The following URB1 variants were observed in gnomAD, a reference collection of about 807,000 sequenced individuals.
URB1 encodes nucleolar pre-ribosomal-associated protein 1.
Under a neutral mutation model 242.3 loss-of-function variants are expected in URB1, and 197 were observed. The ratio of observed to expected loss-of-function variants is 0.81; its 90% CI spans 0.72 to 0.91. The LOEUF is 0.91. URB1 is among the 40% of genes least tolerant of loss of function. URB1 has a pLI of 0.00. For synonymous variants in URB1, 1,153 were observed against 1,201.8 expected (o/e 0.96, Z 0.84); for missense variants, 2,721 against 2,860.5 (o/e 0.95, Z 1.11).
At chr21:32,378,582 ACATACAGC>A in intron 4 of URB1, 41 bp from the exon 5 acceptor site, 2 of 1,494,158 alleles carry the variant, frequency 1.3e-6, no homozygotes, top group Non-Finnish European at 1.8e-6. Flanking sequence ...TGCATATTCC[ACATACAGC>A]CAAAGGAATC....
chr21:32,341,559 C>T, intron 24 of URB1, 35 bp from the exon 25 acceptor site: 2 of 1,542,944 alleles, frequency 1.3e-6, no homozygotes, highest in Non-Finnish European at 8.8e-7. Context: ...ACACATGAAA[C>T]ATCTCAGTCT....
intron 8 of URB1, 41 bp downstream of exon 8, chr21:32,372,466 A>C (rs2033416193): frequency 6.5e-7 from 1 of 1,542,190 alleles, no homozygotes; most frequent in Non-Finnish European, 8.7e-7. Flanking sequence ...ACTTCTGAGG[A>C]ACATACACAC....
rs74913568 is a variant in URB1 at position 32,311,761 on chromosome 21, C to T, written c.*3157G>A. 96 of 1,614,118 alleles carry T rather than the reference C, an allele frequency of 5.9e-5. No homozygotes were observed. The East Asian group carries it at 8.0e-4, about 13-fold the overall frequency. ...CACCTCTGCATCCAGAAGTGCCTGCCGTGCCACAGGGAACCCCTGGCAACC... is the reference window on the plus strand; with the variant it reads ...CACCTCTGCATCCAGAAGTGCCTGCTGTGCCACAGGGAACCCCTGGCAACC... On this transcript the variant is annotated 3_prime_UTR_variant, in exon 39 of 39. Coordinates refer to ENST00000382751, the MANE Select transcript of URB1 (RefSeq NM_014825.3).
At position 32,324,547 on chromosome 21, in the gene URB1, A is replaced by C; in HGVS notation, c.5177T>G (p.Leu1726Arg). Residue 1726 changes from leucine to arginine, a missense_variant, in exon 32 of 39, where the codon CTT becomes CGT. By Grantham distance (102) the Leu-to-Arg change is moderately radical. Coordinates refer to ENST00000382751, the MANE Select transcript of URB1 (RefSeq NM_014825.3). ...AATGAAGAGAGCCAAGGTAAAAGTAAGTCTCATGTCCTGAGTTCGAATCCC... is the reference window on the plus strand; with the variant it reads ...AATGAAGAGAGCCAAGGTAAAAGTACGTCTCATGTCCTGAGTTCGAATCCC... ...RNGIRTQDMRLTFTLALFIAK... is the reference protein window; with the variant it reads ...RNGIRTQDMRRTFTLALFIAK... 1 of 1,551,902 alleles carries C rather than the reference A, an allele frequency of 6.4e-7. No individual in the cohort carries two copies. The highest frequency in any genetic ancestry group is 2.4e-5 in the East Asian group (1 of 40,924).
intron 38 of URB1, 33 bp from the exon 39 acceptor site, chr21:32,315,132 G>C: frequency 1.4e-6 from 2 of 1,478,646 alleles, no homozygotes; most frequent in South Asian, 1.4e-5. Context: ...CCATTAGGAT[G>C]CACACCTGCT....
intron 30 of URB1, among the ~76,000 whole-genome samples, chr21:32,332,599 A>C (rs944250559): frequency 2.3e-5 from 3 of 131,492 alleles, no homozygotes; most frequent in Non-Finnish European, 3.3e-5. Flanking sequence ...CAAACTCAAT[A>C]GTTAAAAAAA....
intron 7 of URB1, among the ~76,000 whole-genome samples, chr21:32,373,101 T>G (rs988628515): frequency 4.4e-4 from 67 of 152,310 alleles, no homozygotes; most frequent in African/African-American, 1.6e-3. Flanking sequence ...AGTAACACCC[T>G]GAAGAAAATT....
chr21:32,336,692 CA>C (rs201813562), intron 28 of URB1, among the ~76,000 whole-genome samples: 24 of 150,644 alleles, frequency 1.6e-4, no homozygotes, highest in African/African-American at 4.9e-4. Context: ...CACATACAGA[CA>C]AAAAAAAAGA....
At chr21:32,325,190 GC>G in intron 31 of URB1, 38 bp downstream of exon 31, 1 of 1,521,514 alleles carries the variant, frequency 6.6e-7, no homozygotes, top group Non-Finnish European at 8.9e-7. Context: ...AGTCCGCCAG[GC>G]CCACCCCCAC....
At chr21:32,376,893 C>G (rs183971910) in intron 5 of URB1, among the ~76,000 whole-genome samples, 49 of 152,156 alleles carry the variant, frequency 3.2e-4, no homozygotes, top group Non-Finnish European at 7.4e-5. Flanking sequence ...AACTCCCGGG[C>G]TCAAGCAATC....
rs1438448041 is a variant in URB1, at chr21:32,345,433, A to C, written c.4011T>G (p.Asp1337Glu). The part of the protein sequence containing the change: ...AQLVPFARAK[D>E]LSVLMDRLPS... ...GCAGGCGGTCCATGAGTACACTGAG[A>C]TCCTTGGCTCGTGCAAACGGGACCA... Residue 1337 changes from aspartate to glutamate, a missense_variant, in exon 23 of 39, where the codon GAT (aspartate) becomes GAG (glutamate). By Grantham distance (45) the Asp-to-Glu change is conservative (BLOSUM62 2). Coordinates refer to ENST00000382751, the MANE Select transcript of URB1 (RefSeq NM_014825.3). 3.9e-6 allele frequency: 6 copies of C among 1,551,254 alleles called. No homozygotes were observed. Among genetic ancestry groups the C allele is most frequent in the Middle Eastern group, 1.7e-4 (1 of 6,014 alleles).
At chr21:32,315,987 C>T (rs1256101147) in intron 38 of URB1, among the ~76,000 whole-genome samples, 1 of 152,264 alleles carries the variant, frequency 6.6e-6, no homozygotes, top group African/African-American at 2.4e-5. Flanking sequence ...CTGCTAGGCT[C>T]CTAGTGACTG....
At chr21:32,371,838 G>A (rs929875568) in intron 8 of URB1, among the ~76,000 whole-genome samples, 1 of 151,440 alleles carries the variant, frequency 6.6e-6, no homozygotes. Flanking sequence ...AAATCACATA[G>A]ACCTGTATTA....
At position 32,314,985 on chromosome 21, in the gene URB1, G is replaced by A. The variant is rs917876467; in HGVS notation, c.6749C>T (p.Pro2250Leu). The change falls in exon 39 of 39, where the codon CCG becomes CTG. Residue 2250 changes from proline to leucine, a missense_variant. Coordinates refer to ENST00000382751, the MANE Select transcript of URB1 (RefSeq NM_014825.3). ...RMVCEAADDA[P>L]SSEEEAIVVL... The stretch of plus-strand genomic sequence containing the variant: ...CACGATGGCCTCCTCTTCACTGCTC[G>A]GGGCATCATCTGCGGCCTCACACAC... The A allele has an allele frequency of 2.2e-5, 34 of 1,551,542 alleles. 1 individual carries two copies. The highest frequency in any genetic ancestry group is 8.2e-5 in the African/African-American group (6 of 73,050).
chr21:32,348,930 G>A lies in URB1; in HGVS notation c.3012+374C>T, dbSNP rs538894977. ...GCCTGCTTCCCAAGACTCCCAACAG[G>A]ACAGAAAGGCTGCTGCTTCTCAGAG... On this transcript the variant is annotated intron_variant, in intron 21 of 38. Coordinates refer to ENST00000382751, the MANE Select transcript of URB1 (RefSeq NM_014825.3). Among the ~76,000 whole-genome samples, 3 of 152,354 alleles carry A rather than the reference G, an allele frequency of 2.0e-5. No individual in the cohort carries two copies. The South Asian group carries it at 6.2e-4, about 32-fold the overall frequency.
chr21:32,336,387 C>T (rs2032959991), intron 28 of URB1, among the ~76,000 whole-genome samples: 2 of 152,186 alleles, frequency 1.3e-5, no homozygotes, highest in Admixed American at 6.5e-5. Context: ...CACACACACA[C>T]ACGTACATAC....
Position 32,319,351 on chromosome 21 carries a change from G to A in URB1, c.5658C>T (p.Asn1886=), listed in dbSNP as rs1467438372. The change falls in exon 36 of 39, where the codon AAC becomes AAT. Residue 1886 remains asparagine (N), a synonymous_variant. Transcript: ENST00000382751. ...ISLLHTLWVT[N]LGDKAVEWES... is the part of the protein sequence containing the mutation. ...CCCACTCCACTGCCTTGTCCCCCAGGTTGGTCACCCACAGTGTGTGTAGCA... is the reference window on the plus strand; with the variant it reads ...CCCACTCCACTGCCTTGTCCCCCAGATTGGTCACCCACAGTGTGTGTAGCA... 1 of 1,551,058 alleles carries A rather than the reference G, an allele frequency of 6.4e-7. No homozygotes were observed. Among genetic ancestry groups the A allele is most frequent in the Non-Finnish European group, 8.7e-7 (1 of 1,146,762 alleles).
At chr21:32,325,511 G>C (rs151151018) in intron 30 of URB1, 122 bp from the exon 31 acceptor site, 3 of 1,289,036 alleles carry the variant, frequency 2.3e-6, no homozygotes, top group African/African-American at 1.5e-5. Flanking sequence ...CACAAGGAAT[G>C]CAAGTCTCTC....
chr21:32,340,850 T>C (rs1437259581), intron 25 of URB1, among the ~76,000 whole-genome samples: 1 of 152,094 alleles, frequency 6.6e-6, no homozygotes, highest in Admixed American at 6.5e-5. Flanking sequence ...AGCCTAGACA[T>C]TTGTCAGTAG....
Sources: allele counts gnomAD v4.1 joint callset (sites outside exome capture counted in the v4.1 genomes callset), GRCh38; gene constraint gnomAD v4.1.1; transcripts MANE v1.5; gene names NCBI Gene and HGNC (gene_info 2026-07-23, HGNC 2026-07-21).